AGTPBP1: variants seen among roughly 807,000 people sequenced by gnomAD.
AGTPBP1 encodes the protein ATP/GTP binding carboxypeptidase 1, also known as cytosolic carboxypeptidase 1.
Under a neutral mutation model 143.9 loss-of-function variants are expected in AGTPBP1, and 70 were observed. That is an observed-to-expected ratio of 0.49 (90% CI 0.40 to 0.59). AGTPBP1 has a LOEUF of 0.59. AGTPBP1 is among the 20% of genes least tolerant of loss of function. The pLI, the probability that AGTPBP1 is intolerant of heterozygous loss-of-function variation, is 0.00. For synonymous variants in AGTPBP1, 463 were observed against 500.2 expected (o/e 0.93, Z 0.99); for missense variants, 1,229 against 1,464.5 (o/e 0.84, Z 2.62).
chr9:85,679,015 G>T (rs1341069998), intron 4 of AGTPBP1, among the ~76,000 whole-genome samples: 1 of 152,084 alleles, frequency 6.6e-6, no homozygotes, highest in Non-Finnish European at 1.5e-5. Flanking sequence ...TATTTAGGTT[G>T]CTTTTAATAT....
At chr9:85,575,200 T>C in intron 25 of AGTPBP1, 115 bp downstream of exon 25, 1 of 644,690 alleles carries the variant, frequency 1.6e-6, no homozygotes, top group Non-Finnish European at 2.4e-6. Flanking sequence ...TTAACTTAAT[T>C]ATATTAATTC....
intron 8 of AGTPBP1, among the ~76,000 whole-genome samples, chr9:85,664,467 T>A (rs1429605831): frequency 1.3e-5 from 2 of 152,158 alleles, no homozygotes; most frequent in Non-Finnish European, 1.5e-5. Context: ...TTTAAAGAAA[T>A]TAAAACATTT....
chr9:85,556,308 G>A (rs1321115246), intron 25 of AGTPBP1, among the ~76,000 whole-genome samples: 4 of 152,066 alleles, frequency 2.6e-5, no homozygotes, highest in African/African-American at 4.8e-5. Flanking sequence ...AAATATCCAT[G>A]TTATCATCTC....
At chr9:85,767,539 G>A in the AGTPBP1 span, among the ~76,000 whole-genome samples, 1 of 151,978 alleles carries the variant, frequency 6.6e-6, no homozygotes, top group African/African-American at 2.4e-5. Context: ...GTAGAGATGG[G>A]GTTTCACCAT....
chr9:85,553,235 A>C (rs1435791734), intron 25 of AGTPBP1, among the ~76,000 whole-genome samples: 2 of 152,240 alleles, frequency 1.3e-5, no homozygotes, highest in Non-Finnish European at 2.9e-5. Context: ...TTTGGAAAAA[A>C]AAGAAATTTG....
At chr9:85,749,512 T>C in the AGTPBP1 span, among the ~76,000 whole-genome samples, 1 of 152,188 alleles carries the variant, frequency 6.6e-6, no homozygotes, top group African/African-American at 2.4e-5. Context: ...TCTGTCTCTT[T>C]TCTACTTGAC....
At position 85,546,952 on chromosome 9, in the gene AGTPBP1, T is replaced by C; in HGVS notation, c.*157A>G. The C allele has an allele frequency of 1.7e-6, 1 of 596,648 alleles. No individual in the cohort carries two copies. Among genetic ancestry groups the C allele is most frequent in the Non-Finnish European group, 2.6e-6 (1 of 382,254 alleles). 37.0% of individuals were successfully genotyped at this position (596,648 alleles called of 1,614,324 possible). ...AACAAGCGCCAATTTTATCATTAAT[T>C]AATAACACATTTATTATCTTGAAAC... On this transcript the variant is annotated 3_prime_UTR_variant, in exon 26 of 26. Coordinates refer to ENST00000357081, the MANE Select transcript of AGTPBP1 (RefSeq NM_001330701.2).
chr9:85,795,022 G>A, the AGTPBP1 span, among the ~76,000 whole-genome samples: 58,220 of 151,978 alleles, frequency 0.38, 12,703 homozygotes, highest in African/African-American at 0.59. Flanking sequence ...CATGCCATGA[G>A]TCAAGAAACT....
At chr9:85,781,408 G>A in the AGTPBP1 span, 1 of 1,467,278 alleles carries the variant, frequency 6.8e-7, no homozygotes, top group African/African-American at 1.5e-5. Flanking sequence ...TGTTTCTCTA[G>A]CATTTGGTGA....
intron 17 of AGTPBP1, among the ~76,000 whole-genome samples, chr9:85,606,562 G>A (rs146172428): frequency 3.9e-5 from 6 of 151,976 alleles, no homozygotes; most frequent in African/African-American, 1.2e-4. Flanking sequence ...GTATTTATCC[G>A]AAGTAAAGGA....
At chr9:85,680,642 T>G (rs1036140148) in intron 4 of AGTPBP1, among the ~76,000 whole-genome samples, 18 of 152,076 alleles carry the variant, frequency 1.2e-4, no homozygotes, top group Admixed American at 1.2e-3. Flanking sequence ...TTATTGAGAT[T>G]GCTCTAAAGT....
chr9:85,686,193 C>CAA (rs1157923086), intron 3 of AGTPBP1, among the ~76,000 whole-genome samples: 1 of 151,818 alleles, frequency 6.6e-6, no homozygotes, highest in Non-Finnish European at 1.5e-5. Context: ...AAAGATCCAA[C>CAA]TATATACTGT....
At chr9:85,652,910 A>T (rs1385855325) in intron 11 of AGTPBP1, among the ~76,000 whole-genome samples, 1 of 152,160 alleles carries the variant, frequency 6.6e-6, no homozygotes, top group Non-Finnish European at 1.5e-5. Flanking sequence ...TCAGTGTCAG[A>T]ATTGAACTGA....
intron 15 of AGTPBP1, among the ~76,000 whole-genome samples, chr9:85,620,210 G>A (rs547711195): frequency 4.6e-5 from 7 of 152,006 alleles, no homozygotes; most frequent in East Asian, 1.9e-4. Flanking sequence ...CAGGAAGTTC[G>A]AGACCATCCT....
chr9:85,610,632 G>A (rs895007126), intron 17 of AGTPBP1, among the ~76,000 whole-genome samples: 6 of 151,696 alleles, frequency 4.0e-5, no homozygotes, highest in Admixed American at 3.3e-4. Context: ...TACCCCAACC[G>A]GCACGCCCCA....
chr9:85,781,099 G>C, the AGTPBP1 span: 1 of 1,374,154 alleles, frequency 7.3e-7, no homozygotes, highest in African/African-American at 1.5e-5. Context: ...TAGCCTGGGC[G>C]ACAGTGCAAG....
At chr9:85,791,557 G>C in the AGTPBP1 span, 3 of 151,998 alleles carry the variant, frequency 2.0e-5, no homozygotes, top group African/African-American at 7.2e-5. Context: ...AGGGAGACAG[G>C]GGGGAAAGAG....
intron 3 of AGTPBP1, among the ~76,000 whole-genome samples, chr9:85,688,039 G>A (rs1190921682): frequency 2.3e-5 from 3 of 131,730 alleles, no homozygotes; most frequent in East Asian, 4.7e-4. Flanking sequence ...GCAGTGAGCC[G>A]AGATCACACC....
At chr9:85,554,588 C>A (rs1282289590) in intron 25 of AGTPBP1, among the ~76,000 whole-genome samples, 1 of 152,120 alleles carries the variant, frequency 6.6e-6, no homozygotes, top group African/African-American at 2.4e-5. Context: ...AACTCAGGGG[C>A]TCTCTGGACT....
Sources: gnomAD v4.1 joint callset for allele counts (sites outside exome capture counted in the v4.1 genomes callset) on GRCh38, gnomAD v4.1.1 for gene constraint, MANE v1.5 for transcripts, NCBI Gene and HGNC (gene_info 2026-07-23, HGNC 2026-07-21) for gene names.